The following RADIL variants were observed in gnomAD, a reference collection of about 807,000 sequenced individuals.
The protein encoded by RADIL is ras-associating and dilute domain-containing protein.
RADIL carries 99 observed loss-of-function variants against 97.6 expected under a neutral mutation model. The ratio of observed to expected loss-of-function variants is 1.01; its 90% CI spans 0.86 to 1.20. The LOEUF (loss-of-function observed/expected upper bound fraction) is 1.20, where lower values mean the gene tolerates loss of function less well. RADIL is among the 50% of genes most tolerant of loss of function. The pLI, the probability that RADIL is intolerant of heterozygous loss-of-function variation, is 0.00. For synonymous variants in RADIL, 803 were observed against 691.8 expected (o/e 1.16, Z -2.52); for missense variants, 1,765 against 1,498.9 (o/e 1.18, Z -2.93).
rs1783452944 is a variant in RADIL at position 4,842,067 on chromosome 7, A to AG, written c.536-5463_536-5462insC. Among the ~76,000 whole-genome samples the AG allele has an allele frequency of 6.6e-6, 1 of 151,984 alleles. No homozygotes were observed. The highest frequency in any genetic ancestry group is 1.5e-5 in the Non-Finnish European group (1 of 67,994). ...AAGACCCTGTCTCCAAAAAAAAAAA[A>AG]AGATGCAACAAGGCCAGAGGCTGGA... On this transcript the variant is annotated intron_variant, in intron 2 of 14. Transcript: ENST00000399583. This position sits in a 1 kb window ranked among gnomAD's most constrained non-coding sequence, Gnocchi z 4.5.
chr7:4,845,081 T>A lies in RADIL; in HGVS notation c.536-8476A>T, dbSNP rs186082858. Among the ~76,000 whole-genome samples, 1,390 of 151,712 alleles carry A rather than the reference T, an allele frequency of 9.2e-3. 10 individuals are homozygous for A. The highest frequency in any genetic ancestry group is 0.016 in the Non-Finnish European group (1,092 of 67,960). ...AGAAAGAAGCGAGAGGTGTCCTGTA[T>A]ATGAAAATTATATTTACAGAATACT... is the stretch of plus-strand genomic sequence containing the variant. On this transcript the variant is annotated intron_variant, in intron 2 of 14. Transcript: ENST00000399583.
At chr7:4,859,770 T>G (rs780311978) in intron 2 of RADIL, 3 of 631,704 alleles carry the variant, frequency 4.7e-6, no homozygotes. Context: ...GAGAGGCCAA[T>G]AGAGAAGATG....
intron 5 of RADIL, among the ~76,000 whole-genome samples, chr7:4,827,510 A>G (rs980559473): frequency 4.0e-5 from 6 of 150,642 alleles, no homozygotes; most frequent in Non-Finnish European, 7.4e-5. Context: ...AAATACAAAA[A>G]ATTAGCCGGG....
chr7:4,817,108 T>C lies in RADIL; in HGVS notation c.1728+131A>G. 1 of 735,918 alleles carries C rather than the reference T, an allele frequency of 1.4e-6. No individual in the cohort carries two copies. Among genetic ancestry groups the C allele is most frequent in the Non-Finnish European group, 2.2e-6 (1 of 445,130 alleles). 45.6% of individuals were successfully genotyped at this position (735,918 alleles called of 1,614,324 possible). On this transcript the variant is annotated intron_variant, in intron 7 of 14. Coordinates refer to ENST00000399583, the MANE Select transcript of RADIL (RefSeq NM_018059.5). The surrounding 1 kb of genome is among the most constrained non-coding windows in gnomAD (Gnocchi z 8.3). Reference sequence around the variant, plus strand: ...AGAACCTGCAGCCACTGCTCCCTGATGAAGTGGAGCTTGTCACGGTCCCCT... The same window carrying C: ...AGAACCTGCAGCCACTGCTCCCTGACGAAGTGGAGCTTGTCACGGTCCCCT...
rs34277804 is a variant in RADIL at position 4,805,409 on chromosome 7, C to CG, written c.2290+156dup. The CG allele has an allele frequency of 4.0e-4, 192 of 477,564 alleles. 1 individual carries two copies. Among genetic ancestry groups the CG allele is most frequent in the South Asian group, 1.5e-3 (19 of 13,082 alleles). 29.6% of individuals were successfully genotyped at this position (477,564 alleles called of 1,614,324 possible). On this transcript the variant is annotated intron_variant, in intron 10 of 14. Transcript: ENST00000399583. ...TCCCCAGGTTGGGGATGGGGCGGGGCGGGGGGGTCCTCTGGGTGGAGGCTC... is the reference window on the plus strand; with the variant it reads ...TCCCCAGGTTGGGGATGGGGCGGGGCGGGGGGGGTCCTCTGGGTGGAGGCTC...
chr7:4,845,602 A>G (rs780784752), intron 2 of RADIL, among the ~76,000 whole-genome samples: 28 of 152,236 alleles, frequency 1.8e-4, no homozygotes, highest in Middle Eastern at 3.4e-3. Flanking sequence ...TCCTTTCTCT[A>G]TACTTTCACT....
At chr7:4,836,980 G>A (rs755714941) in intron 2 of RADIL, among the ~76,000 whole-genome samples, 4 of 152,002 alleles carry the variant, frequency 2.6e-5, no homozygotes, top group Non-Finnish European at 4.4e-5. Context: ...CCCATGTCCC[G>A]GGTCCTTCTG....
At chr7:4,864,180 G>A (rs1784083267) in intron 2 of RADIL, among the ~76,000 whole-genome samples, 1 of 152,084 alleles carries the variant, frequency 6.6e-6, no homozygotes, top group Non-Finnish European at 1.5e-5. Flanking sequence ...CCTCCATGTT[G>A]CCCAACCCAT....
chr7:4,824,453 G>A lies in RADIL; in HGVS notation c.1455-1899C>T, dbSNP rs1158873759. 6.6e-6 allele frequency among the ~76,000 whole-genome samples: 1 copy of A among 152,228 alleles called. No homozygotes were observed. The highest frequency in any genetic ancestry group is 1.5e-5 in the Non-Finnish European group (1 of 68,028). ...TTTGTGAGGGCATCTGGGAAGGGCT[G>A]AGGCCCTGTTTTCCTCCCTGTTCTT... On this transcript the variant is annotated intron_variant, in intron 5 of 14. Coordinates refer to ENST00000399583, the MANE Select transcript of RADIL (RefSeq NM_018059.5). This position sits in a 1 kb window ranked among gnomAD's most constrained non-coding sequence, Gnocchi z 6.7.
rs1213931728 is a variant in RADIL, at chr7:4,873,065, G to A, written c.535+4540C>T. Among the ~76,000 whole-genome samples, 1 of 152,130 alleles carries A rather than the reference G, an allele frequency of 6.6e-6. No individual in the cohort carries two copies. The highest frequency in any genetic ancestry group is 1.5e-5 in the Non-Finnish European group (1 of 68,030). On this transcript the variant is annotated intron_variant, in intron 2 of 14. Coordinates refer to ENST00000399583, the MANE Select transcript of RADIL (RefSeq NM_018059.5). This position sits in a 1 kb window ranked among gnomAD's most constrained non-coding sequence, Gnocchi z 4.3. Reference sequence around the variant, plus strand: ...CGATTCTCTGCCTCCCAAGTAGCTGGGATTACAGGTATGCACCATCATGCC... The same window carrying A: ...CGATTCTCTGCCTCCCAAGTAGCTGAGATTACAGGTATGCACCATCATGCC...
chr7:4,881,101 TAAAAAAAAAAAAAAA>T (rs58900044), intron 1 of RADIL, among the ~76,000 whole-genome samples: 4 of 55,222 alleles, frequency 7.2e-5, no homozygotes, highest in Non-Finnish European at 1.3e-4. Flanking sequence ...CCCTCTCTGT[TAAAAAAAAAAAAAAA>T]AAAAAAAAAA....
At chr7:4,864,535 C>T (rs1784090088) in intron 2 of RADIL, among the ~76,000 whole-genome samples, 1 of 152,230 alleles carries the variant, frequency 6.6e-6, no homozygotes, top group Non-Finnish European at 1.5e-5. Context: ...ATGCCTTTAA[C>T]TTAACATAGT....
chr7:4,809,170 T>C, intron 9 of RADIL: 1 of 984,988 alleles, frequency 1.0e-6, no homozygotes, highest in Non-Finnish European at 1.2e-6. Flanking sequence ...GGAAGACCCC[T>C]GGCGCTGTCC....
Position 4,800,194 on chromosome 7 carries a change from C to A in RADIL, c.2959G>T (p.Gly987Trp), listed in dbSNP as rs1015746334. ...VELERGPSGL[G>W]MGLIDGMHTH... Reference sequence around the variant, plus strand: ...ACCATCCCGTCGATCAGGCCCATCCCCAGCCCGGAGGGGCCTCGTTCCAGC... The same window carrying A: ...ACCATCCCGTCGATCAGGCCCATCCACAGCCCGGAGGGGCCTCGTTCCAGC... Residue 987 changes from glycine (G) to tryptophan (W), a missense_variant, in exon 13 of 15, where the codon GGG becomes TGG. Physicochemically the swap from Gly to Trp is radical, Grantham distance 184 (BLOSUM62 -2). Transcript: ENST00000399583. The A allele has an allele frequency of 6.2e-7, 1 of 1,609,124 alleles. No homozygotes were observed. Among genetic ancestry groups the A allele is most frequent in the Admixed American group, 1.7e-5 (1 of 59,626 alleles).
intron 2 of RADIL, among the ~76,000 whole-genome samples, chr7:4,875,189 CT>C (rs1244064353): frequency 1.0e-5 from 1 of 98,138 alleles, no homozygotes; most frequent in Non-Finnish European, 1.8e-5. Flanking sequence ...GAGACTCCAT[CT>C]CCAACAACAA....
In RADIL at chr7:4,859,338, A is replaced by G. The variant is rs139199186; in HGVS notation, c.535+18267T>C. On this transcript the variant is annotated intron_variant, in intron 2 of 14. Coordinates refer to ENST00000399583, the MANE Select transcript of RADIL (RefSeq NM_018059.5). ...GAATTCTGATACCAGTTTGTATTGC[A>G]TATTTTCCCAACAATGCATCAAGCA... 622 of 153,140 alleles carry G rather than the reference A, an allele frequency of 4.1e-3. 4 individuals carry two copies. The highest frequency in any genetic ancestry group is 4.9e-3 in the Non-Finnish European group (336 of 68,336). The allele number at this position is 153,140 out of a possible 1,614,324, so 9.5% of individuals were successfully genotyped here.
rs1055853243 is a variant in RADIL at position 4,872,522 on chromosome 7, C to T, written c.535+5083G>A. On this transcript the variant is annotated intron_variant, in intron 2 of 14. Transcript: ENST00000399583. The surrounding 1 kb of genome is among the most constrained non-coding windows in gnomAD (Gnocchi z 5.8). ...GCCCCTCCCCAGTGCATCTAAGTGG[C>T]TGCTGTCTTATCTCGGTGACAGGAC... Among the ~76,000 whole-genome samples the T allele has an allele frequency of 6.6e-6, 1 of 152,252 alleles. No individual in the cohort carries two copies. The highest frequency in any genetic ancestry group is 2.4e-5 in the African/African-American group (1 of 41,552).
rs1782281080 is a variant in RADIL, at chr7:4,805,625, A to G, written c.2231T>C (p.Met744Thr). ...LLTHYQLASA[M>T]GPMSTWEPGA... is the part of the protein sequence containing the mutation. ...TGGCTCCCAGGTGCTCATGGGGCCC[A>G]TGGCCGAGGCCAGCTGGTAGTGAGT... The change falls in exon 10 of 15, where the codon ATG (methionine) becomes ACG (threonine). Residue 744 changes from methionine to threonine, a missense_variant. Met to Thr is a moderately conservative substitution (Grantham distance 81). Coordinates refer to ENST00000399583, the MANE Select transcript of RADIL (RefSeq NM_018059.5). The G allele has an allele frequency of 4.3e-6, 7 of 1,611,630 alleles. No individual in the cohort carries two copies. Among genetic ancestry groups the G allele is most frequent in the South Asian group, 1.1e-5 (1 of 91,068 alleles).
Position 4,879,896 on chromosome 7 carries a change from C to T in RADIL, c.-64-1693G>A, listed in dbSNP as rs1191883316. Among the ~76,000 whole-genome samples, 1 of 152,180 alleles carries T rather than the reference C, an allele frequency of 6.6e-6. No homozygotes were observed. The highest frequency in any genetic ancestry group is 1.5e-5 in the Non-Finnish European group (1 of 68,030). ...TCATGGGTGAGTCCTGAAATCAGAC[C>T]ACCACTCGCTTCCTCCAGAACCAGC... On this transcript the variant is annotated intron_variant, in intron 1 of 14. Coordinates refer to ENST00000399583, the MANE Select transcript of RADIL (RefSeq NM_018059.5). This position sits in a 1 kb window ranked among gnomAD's most constrained non-coding sequence, Gnocchi z 4.1.
Sources: allele counts gnomAD v4.1 joint callset (sites outside exome capture counted in the v4.1 genomes callset), GRCh38; gene constraint gnomAD v4.1.1; non-coding constraint Gnocchi (gnomAD v3.1); transcripts MANE v1.5; gene names NCBI Gene and HGNC (gene_info 2026-07-23, HGNC 2026-07-21).